Variants in PDS5A observed in about 807,000 individuals in gnomAD.
PDS5A encodes the protein PDS5 cohesin associated factor A, also known as sister chromatid cohesion protein PDS5 homolog A.
PDS5A carries 42 observed loss-of-function variants against 167.1 expected under a neutral mutation model. That is an observed-to-expected ratio of 0.25 (90% CI 0.20 to 0.33). The LOEUF is 0.33. Among genes scored for constraint, PDS5A ranks in the 10% least tolerant of loss-of-function variants. The probability of loss-of-function intolerance (pLI) is 1.00; values close to 1 mark genes in which losing one functional copy is unlikely to be tolerated. For synonymous variants in PDS5A, 553 were observed against 554.6 expected, an observed-to-expected ratio of 1.00 and a Z score of 0.04; for missense variants, 1,033 against 1,605.9, an observed-to-expected ratio of 0.64 and a Z score of 6.10.
At chr4:39,875,851 GT>G (rs1720420211) in intron 19 of PDS5A, among the ~76,000 whole-genome samples, 1 of 152,020 alleles carries the variant, frequency 6.6e-6, no homozygotes, top group Non-Finnish European at 1.5e-5. Flanking sequence ...CAATCAAACT[GT>G]TGTTAAATGT....
intron 32 of PDS5A, among the ~76,000 whole-genome samples, chr4:39,827,431 T>C (rs1007331474): frequency 1.3e-5 from 2 of 152,182 alleles, no homozygotes; most frequent in Admixed American, 6.6e-5. Flanking sequence ...CTGGACTTGA[T>C]TCTATGTACC....
intron 2 of PDS5A, among the ~76,000 whole-genome samples, chr4:39,958,932 A>G (rs998469666): frequency 2.7e-4 from 41 of 152,048 alleles, no homozygotes; most frequent in Non-Finnish European, 5.9e-5. Context: ...TTCCTTAAAC[A>G]CACCAAACAT....
chr4:39,949,301 CA>C (rs71645201), intron 2 of PDS5A, among the ~76,000 whole-genome samples: 34 of 93,910 alleles, frequency 3.6e-4, no homozygotes, highest in Admixed American at 5.5e-4. Context: ...GAACCTATCT[CA>C]AAAAAAAAAA....
At chr4:39,966,040 T>C (rs959686597) in intron 2 of PDS5A, among the ~76,000 whole-genome samples, 1 of 152,180 alleles carries the variant, frequency 6.6e-6, no homozygotes, top group Non-Finnish European at 1.5e-5. Context: ...AACAGAAGTC[T>C]GAAATAAGAA....
intron 2 of PDS5A, among the ~76,000 whole-genome samples, chr4:39,941,684 A>G (rs918427355): frequency 1.3e-5 from 2 of 152,204 alleles, no homozygotes; most frequent in Non-Finnish European, 2.9e-5. Context: ...CTAAAGCTCA[A>G]GTTGAAGTGG....
rs376190459 is a variant in PDS5A, at chr4:39,923,638, A to AACACACACACACAAACACAC, written c.528-891_528-890insGTGTGTTTGTGTGTGTGTGT. Reference sequence around the variant, plus strand: ...GGGACAGACCAAGACCCTGTCTCAAAACACACACACACACACACACACACA... The same window carrying AACACACACACACAAACACAC: ...GGGACAGACCAAGACCCTGTCTCAAAACACACACACACAAACACACACACACACACACACACACACACACA... On this transcript the variant is annotated intron_variant, in intron 5 of 32. Transcript: ENST00000303538. Among the ~76,000 whole-genome samples the AACACACACACACAAACACAC allele has an allele frequency of 4.6e-3, 578 of 125,264 alleles. 4 individuals carry two copies. Among genetic ancestry groups the AACACACACACACAAACACAC allele is most frequent in the Middle Eastern group, 0.032 (8 of 250 alleles). 82.2% of individuals were successfully genotyped at this position (125,264 alleles called of 152,430 possible).
intron 23 of PDS5A, among the ~76,000 whole-genome samples, chr4:39,864,742 T>C (rs1323073429): frequency 1.3e-5 from 2 of 152,194 alleles, no homozygotes; most frequent in African/African-American, 4.8e-5. Context: ...ATGTGAGTGC[T>C]TACTCCGTGC....
intron 19 of PDS5A, 129 bp from the exon 20 acceptor site, chr4:39,874,541 C>A: frequency 1.4e-6 from 1 of 698,978 alleles, no homozygotes; most frequent in Non-Finnish European, 2.3e-6. Context: ...ATTATCTGAT[C>A]TAAAGAAAGT....
intron 11 of PDS5A, 78 bp downstream of exon 11, chr4:39,908,317 G>A (rs1435347985): frequency 1.9e-6 from 2 of 1,074,532 alleles, no homozygotes; most frequent in Non-Finnish European, 2.8e-6. Flanking sequence ...GACATTAAAT[G>A]TAACAGAAAA....
chr4:39,896,915 T>TA (rs1722465698), intron 16 of PDS5A, among the ~76,000 whole-genome samples: 2 of 152,000 alleles, frequency 1.3e-5, no homozygotes, highest in Non-Finnish European at 2.9e-5. Context: ...TTTTTTTTTT[T>TA]TAATGCTTTA....
chr4:39,935,179 T>A (rs1164512290), intron 2 of PDS5A, among the ~76,000 whole-genome samples: 1 of 152,224 alleles, frequency 6.6e-6, no homozygotes, highest in Non-Finnish European at 1.5e-5. Flanking sequence ...TTGCCTAGGC[T>A]GGAGTGCAGT....
chr4:39,874,535 T>C (rs1478256283), intron 19 of PDS5A, 123 bp from the exon 20 acceptor site: 1 of 733,780 alleles, frequency 1.4e-6, no homozygotes, highest in Middle Eastern at 4.0e-4. Context: ...TTAAAAATTA[T>C]CTGATCTAAA....
chr4:39,916,919 A>G, intron 8 of PDS5A, 129 bp downstream of exon 8: 1 of 485,776 alleles, frequency 2.1e-6, no homozygotes, highest in Non-Finnish European at 3.6e-6. Context: ...TTCTACAGTT[A>G]CAGAAAAATT....
chr4:39,952,311 A>T (rs1011152773), intron 2 of PDS5A, among the ~76,000 whole-genome samples: 3 of 152,234 alleles, frequency 2.0e-5, no homozygotes, highest in Non-Finnish European at 4.4e-5. Context: ...AGTATGGGCC[A>T]CAGAGTGAGA....
At chr4:39,902,262 C>A (rs1722946995) in intron 13 of PDS5A, 85 bp downstream of exon 13, 1 of 614,458 alleles carries the variant, frequency 1.6e-6, no homozygotes, top group Admixed American at 3.2e-5. Context: ...CAGCAACAAT[C>A]CAATCAATAA....
chr4:39,932,438 G>A, intron 2 of PDS5A: 1 of 196,818 alleles, frequency 5.1e-6, no homozygotes, highest in East Asian at 1.4e-4. Context: ...AAGCAAAGTA[G>A]AGCTTCATAA....
chr4:39,934,593 G>A (rs1347869804), intron 2 of PDS5A, among the ~76,000 whole-genome samples: 5 of 144,222 alleles, frequency 3.5e-5, no homozygotes, highest in Non-Finnish European at 4.6e-5. Flanking sequence ...ATCTATTGCG[G>A]TCTTAGTATT....
intron 2 of PDS5A, among the ~76,000 whole-genome samples, chr4:39,974,596 G>A (rs1458962016): frequency 2.6e-5 from 4 of 152,086 alleles, no homozygotes; most frequent in Non-Finnish European, 4.4e-5. Context: ...CCAGGCTGGA[G>A]TGCAATGGCG....
At chr4:39,860,889 G>C (rs1324185694) in intron 26 of PDS5A, among the ~76,000 whole-genome samples, 1 of 151,928 alleles carries the variant, frequency 6.6e-6, no homozygotes, top group Non-Finnish European at 1.5e-5. Flanking sequence ...GGGCAACACA[G>C]TGAGACCCCA....
Sources: allele counts gnomAD v4.1 joint callset (sites outside exome capture counted in the v4.1 genomes callset), GRCh38; gene constraint gnomAD v4.1.1; transcripts MANE v1.5; gene names NCBI Gene and HGNC (gene_info 2026-07-23, HGNC 2026-07-21).